TOM1L1: variants seen among roughly 807,000 people sequenced by gnomAD.
The protein encoded by TOM1L1 is target of myb1 like 1 membrane trafficking protein.
TOM1L1 carries 64 observed loss-of-function variants against 63.4 expected under a neutral mutation model. That is an observed-to-expected ratio of 1.01 (90% CI 0.83 to 1.24). The LOEUF (loss-of-function observed/expected upper bound fraction) is 1.24, where lower values mean the gene tolerates loss of function less well. TOM1L1 is among the 50% of genes most tolerant of loss of function. The probability of loss-of-function intolerance (pLI) is 0.00; values close to 1 mark genes in which losing one functional copy is unlikely to be tolerated. For missense variants in TOM1L1, 536 were observed against 567.0 expected (o/e 0.95, Z 0.55); for synonymous variants, 166 against 194.4 (o/e 0.85, Z 1.22).
chr17:54,956,859 G>C (rs2049535602), intron 14 of TOM1L1: 1 of 152,246 alleles, frequency 6.6e-6, no homozygotes, highest in South Asian at 2.1e-4. Flanking sequence ...AGAGGGAAGA[G>C]GGTATGTCGT....
chr17:54,950,974 CCT>C (rs1406666713), intron 14 of TOM1L1, among the ~76,000 whole-genome samples: 2 of 152,138 alleles, frequency 1.3e-5, no homozygotes, highest in Admixed American at 6.5e-5. Flanking sequence ...AGCTGGGTGT[CCT>C]CTGATTCAAT....
chr17:54,953,480 T>A (rs981875918), intron 14 of TOM1L1: 1 of 152,308 alleles, frequency 6.6e-6, no homozygotes, highest in Non-Finnish European at 1.5e-5. Flanking sequence ...CATGTCCCCA[T>A]CCATCAGTTT....
At chr17:54,921,076 C>T (rs187792432) in intron 7 of TOM1L1, among the ~76,000 whole-genome samples, 2 of 152,240 alleles carry the variant, frequency 1.3e-5, no homozygotes, top group East Asian at 3.9e-4. Context: ...TGCTCCAGCT[C>T]CCCATCTTGT....
At chr17:54,902,495 G>A (rs1214496437) in intron 1 of TOM1L1, among the ~76,000 whole-genome samples, 4 of 152,044 alleles carry the variant, frequency 2.6e-5, no homozygotes, top group African/African-American at 4.8e-5. Context: ...TCACCATGCT[G>A]GCCAGGCTGG....
intron 11 of TOM1L1, 76 bp downstream of exon 11, chr17:54,939,096 G>A: frequency 2.0e-6 from 2 of 1,019,562 alleles, no homozygotes; most frequent in Non-Finnish European, 2.9e-6. Context: ...CCTGATGGCT[G>A]GGCGCAGTGA....
chr17:54,956,027 A>AT (rs1422215924), intron 14 of TOM1L1, among the ~76,000 whole-genome samples: 1 of 152,198 alleles, frequency 6.6e-6, no homozygotes, highest in Non-Finnish European at 1.5e-5. Flanking sequence ...CCAGGAGCCT[A>AT]TAAGGGAGGT....
intron 14 of TOM1L1, chr17:54,955,079 C>T (rs1478451636): frequency 1.3e-5 from 2 of 152,208 alleles, no homozygotes; most frequent in Admixed American, 1.3e-4. Flanking sequence ...TCTACGGTCT[C>T]TGCACACAGT....
intron 7 of TOM1L1, among the ~76,000 whole-genome samples, chr17:54,923,796 T>G (rs1298987570): frequency 6.6e-6 from 1 of 152,012 alleles, no homozygotes; most frequent in African/African-American, 2.4e-5. Context: ...TCTACCTGCC[T>G]TGGCCTCCCA....
In TOM1L1 at chr17:54,912,670, T is replaced by C. The variant is rs1212010996; in HGVS notation, c.227T>C (p.Ile76Thr). Residue 76 changes from isoleucine to threonine, a missense_variant, in exon 4 of 16, where the codon ATT becomes ACT. Coordinates refer to ENST00000575882, the MANE Select transcript of TOM1L1 (RefSeq NM_005486.3). ...HKEIQLTLSL[I>T]DMCVQNCGPS... Reference sequence around the variant, plus strand: ...TTAATTTTTTTTCTAATTTAGCTTATTGACATGTGTGTGCAGAACTGTGGT... The same window carrying C: ...TTAATTTTTTTTCTAATTTAGCTTACTGACATGTGTGTGCAGAACTGTGGT... 6.5e-7 allele frequency: 1 copy of C among 1,541,010 alleles called. No individual in the cohort carries two copies. Among genetic ancestry groups the C allele is most frequent in the Non-Finnish European group, 8.7e-7 (1 of 1,151,456 alleles).
At chr17:54,936,430 GT>G (rs887838340) in intron 8 of TOM1L1, 24 of 420,022 alleles carry the variant, frequency 5.7e-5, no homozygotes, top group African/African-American at 1.7e-4. Flanking sequence ...TGGGTGATGA[GT>G]TTTTTTTAAA....
intron 14 of TOM1L1, chr17:54,959,550 T>G (rs1050666721): frequency 6.6e-6 from 1 of 151,448 alleles, no homozygotes; most frequent in African/African-American, 2.4e-5. Context: ...GAAATGACAG[T>G]GATGAGCTAT....
At chr17:54,904,002 T>G (rs2048369204) in intron 2 of TOM1L1, among the ~76,000 whole-genome samples, 1 of 152,168 alleles carries the variant, frequency 6.6e-6, no homozygotes, top group Non-Finnish European at 1.5e-5. Flanking sequence ...CCACTATAAT[T>G]TTTCTCCTCT....
At chr17:54,936,968 A>T (rs1384209860) in intron 9 of TOM1L1, 141 bp from the exon 10 acceptor site, 1 of 749,754 alleles carries the variant, frequency 1.3e-6, no homozygotes, top group Non-Finnish European at 2.2e-6. Context: ...GATGGGATTC[A>T]TACTAATGTT....
chr17:54,938,831 C>CTTTTTTTTTTTTTTTTTT, intron 10 of TOM1L1, 93 bp from the exon 11 acceptor site: 1 of 577,538 alleles, frequency 1.7e-6, no homozygotes, highest in Non-Finnish European at 2.8e-6. Flanking sequence ...TTTTCTTTTT[C>CTTTTTTTTTTTTTTTTTT]TTTTTTCTTT....
chr17:54,917,840 G>T (rs2048616553), intron 7 of TOM1L1, among the ~76,000 whole-genome samples: 1 of 152,080 alleles, frequency 6.6e-6, no homozygotes, highest in Admixed American at 6.6e-5. Flanking sequence ...ATGCTGTTTG[G>T]GATCCATTTA....
chr17:54,948,085 C>CTT (rs1228963692), intron 12 of TOM1L1, among the ~76,000 whole-genome samples: 14 of 151,828 alleles, frequency 9.2e-5, no homozygotes, highest in Admixed American at 9.2e-4. Flanking sequence ...TTTACTTTTA[C>CTT]TTTTGCCTTT....
chr17:54,907,377 A>G (rs2048429435), intron 3 of TOM1L1, among the ~76,000 whole-genome samples: 1 of 152,190 alleles, frequency 6.6e-6, no homozygotes, highest in Non-Finnish European at 1.5e-5. Context: ...AAACAGATTT[A>G]TTTCCGAGAT....
chr17:54,938,793 T>G (rs1482286100), intron 10 of TOM1L1, 131 bp from the exon 11 acceptor site: 3 of 530,412 alleles, frequency 5.7e-6, no homozygotes, highest in African/African-American at 3.9e-5. Context: ...TAAATTAATC[T>G]CTTTTATTTG....
intron 1 of TOM1L1, among the ~76,000 whole-genome samples, chr17:54,902,596 T>TA (rs2048345608): frequency 6.6e-6 from 1 of 152,184 alleles, no homozygotes; most frequent in Non-Finnish European, 1.5e-5. Flanking sequence ...CCGCCTCAAG[T>TA]GGTTCTTTTC....
Sources: gnomAD v4.1 joint callset for allele counts (sites outside exome capture counted in the v4.1 genomes callset) on GRCh38, gnomAD v4.1.1 for gene constraint, MANE v1.5 for transcripts, NCBI Gene and HGNC (gene_info 2026-07-23, HGNC 2026-07-21) for gene names.